LOC128125822: variants seen among roughly 807,000 people sequenced by gnomAD.
At chr6:63,580,728 A>AT in the LOC128125822 span, 12,687 of 140,960 alleles carry the variant, frequency 0.09, 601 homozygotes, top group East Asian at 0.21. Context: ...TTAACCATTG[A>AT]TTTTTTTTTT....
the LOC128125822 span, chr6:63,580,080 G>A: frequency 6.2e-7 from 1 of 1,610,704 alleles, no homozygotes. Context: ...GCTTTTAACA[G>A]CAAGCAACTT....
At chr6:63,572,571 C>T in the LOC128125822 span, 3 of 413,558 alleles carry the variant, frequency 7.3e-6, no homozygotes, top group East Asian at 3.5e-5. Flanking sequence ...AGTCTGGTGC[C>T]CCCGCCGCCG....
the LOC128125822 span, chr6:63,579,317 A>G: frequency 6.2e-7 from 1 of 1,604,722 alleles, no homozygotes; most frequent in Admixed American, 1.7e-5. Context: ...AAGATGCAGT[A>G]CAATTCATAA....
chr6:63,577,073 A>C, the LOC128125822 span: 1 of 992,008 alleles, frequency 1.0e-6, no homozygotes, highest in Non-Finnish European at 1.5e-6. Flanking sequence ...ACTTTGGAAA[A>C]AATGAGATGA....
At chr6:63,580,347 A>G in the LOC128125822 span, 1 of 572,724 alleles carries the variant, frequency 1.7e-6, no homozygotes, top group South Asian at 2.4e-5. Context: ...TATTTGGGTT[A>G]CAGTCAACCT....
At chr6:63,578,318 C>T in the LOC128125822 span, 1 of 1,210,730 alleles carries the variant, frequency 8.3e-7, no homozygotes, top group South Asian at 2.6e-5. Flanking sequence ...TTCTAGCATT[C>T]TTTAAATGAT....
chr6:63,573,112 C>G, the LOC128125822 span: 2 of 165,970 alleles, frequency 1.2e-5, no homozygotes, highest in African/African-American at 4.8e-5. Flanking sequence ...GCCCTTTGGT[C>G]TGGCGCGACC....
At chr6:63,579,037 A>G in the LOC128125822 span, 1 of 1,563,520 alleles carries the variant, frequency 6.4e-7, no homozygotes, top group Non-Finnish European at 8.6e-7. Context: ...AGGTAAATGA[A>G]TTTATCAATT....
chr6:63,575,193 A>G, the LOC128125822 span, among the ~76,000 whole-genome samples: 1 of 152,220 alleles, frequency 6.6e-6, no homozygotes, highest in Non-Finnish European at 1.5e-5. Context: ...TAATTTTAAG[A>G]CTTCAAATGC....
chr6:63,578,504 T>C, the LOC128125822 span: 1 of 1,612,324 alleles, frequency 6.2e-7, no homozygotes, highest in Non-Finnish European at 8.5e-7. Flanking sequence ...ACTACTCTTG[T>C]GGAGAAAGAA....
chr6:63,579,115 T>A, the LOC128125822 span: 1 of 1,398,758 alleles, frequency 7.1e-7, no homozygotes, highest in Non-Finnish European at 9.5e-7. Context: ...AATTTTTTAA[T>A]ATAAAGTCAA....
At chr6:63,577,610 G>A in the LOC128125822 span, among the ~76,000 whole-genome samples, 1 of 152,000 alleles carries the variant, frequency 6.6e-6, no homozygotes, top group South Asian at 2.1e-4. Flanking sequence ...AGGCTGGAGT[G>A]CAGTGGCATG....
the LOC128125822 span, chr6:63,581,346 G>A: frequency 6.6e-6 from 1 of 152,550 alleles, no homozygotes; most frequent in South Asian, 2.1e-4. Flanking sequence ...GTCTGGGGAT[G>A]TGTGGTTATA....
the LOC128125822 span, among the ~76,000 whole-genome samples, chr6:63,575,963 A>C: frequency 6.9e-4 from 105 of 152,166 alleles, no homozygotes; most frequent in Middle Eastern, 0.01. Context: ...CTTCAGAGTT[A>C]TCTGGAGTTT....
chr6:63,582,533 A>T, the LOC128125822 span: 1 of 152,570 alleles, frequency 6.6e-6, no homozygotes, highest in Non-Finnish European at 1.5e-5. Flanking sequence ...TAGATTCCTT[A>T]TATCTAATAA....
the LOC128125822 span, chr6:63,579,421 A>G: frequency 1.1e-6 from 1 of 894,080 alleles, no homozygotes; most frequent in Non-Finnish European, 1.6e-6. Flanking sequence ...CCATTTAATC[A>G]TTATGATTAT....
At chr6:63,580,145 G>A in the LOC128125822 span, 7 of 1,612,626 alleles carry the variant, frequency 4.3e-6, no homozygotes, top group South Asian at 5.5e-5. Flanking sequence ...AGATTCCAAC[G>A]GTCATAGAAA....
At chr6:63,582,988 T>G in the LOC128125822 span, 5 of 152,176 alleles carry the variant, frequency 3.3e-5, no homozygotes, top group African/African-American at 4.8e-5. Context: ...TGAAATTTAT[T>G]TTTTTAATGT....
chr6:63,575,918 G>T, the LOC128125822 span, among the ~76,000 whole-genome samples: 2 of 151,980 alleles, frequency 1.3e-5, no homozygotes, highest in African/African-American at 4.8e-5. Context: ...AGATGTTTCA[G>T]TTTATGAGTT....
Sources: allele counts gnomAD v4.1 joint callset (sites outside exome capture counted in the v4.1 genomes callset), GRCh38; gene constraint gnomAD v4.1.1; transcripts MANE v1.5.